Variants in PLCB1 observed in about 807,000 individuals in gnomAD.
PLCB1 encodes 1-phosphatidylinositol 4,5-bisphosphate phosphodiesterase beta-1.
In PLCB1, 46 loss-of-function variants were observed where a neutral mutation model predicts 161.8. The ratio of observed to expected loss-of-function variants is 0.28; its 90% CI spans 0.22 to 0.36. PLCB1 has a LOEUF of 0.36. PLCB1 is among the 10% of genes least tolerant of loss of function. The pLI, the probability that PLCB1 is intolerant of heterozygous loss-of-function variation, is 1.00. For missense variants in PLCB1, 1,016 were observed against 1,472.5 expected (o/e 0.69, Z 5.07); for synonymous variants, 517 against 503.7 (o/e 1.03, Z -0.35).
At chr20:8,574,149 T>C (rs1304318049) in intron 3 of PLCB1, among the ~76,000 whole-genome samples, 4 of 152,234 alleles carry the variant, frequency 2.6e-5, no homozygotes, top group Non-Finnish European at 2.9e-5. Flanking sequence ...ATGCCTGTGA[T>C]CCCAGCACTT....
chr20:8,136,271 G>T (rs373534115), intron 1 of PLCB1, among the ~76,000 whole-genome samples: 1 of 152,150 alleles, frequency 6.6e-6, no homozygotes, highest in South Asian at 2.1e-4. Flanking sequence ...ATAAATGAAT[G>T]CATATGCATT....
Position 8,266,776 on chromosome 20 carries a change from C to T in PLCB1, c.178-104606C>T, listed in dbSNP as rs148092193. Among the ~76,000 whole-genome samples, 1,207 of 152,078 alleles carry T rather than the reference C, an allele frequency of 7.9e-3. 18 individuals are homozygous for T. Among genetic ancestry groups the T allele is most frequent in the African/African-American group, 0.027 (1,131 of 41,504 alleles). ...CATCTGGGCCGGGTGCAGTGGCTCA[C>T]GCCTGTAATCCCAGCATTTTGGGAG... On this transcript the variant is annotated intron_variant, in intron 2 of 31. Coordinates refer to ENST00000338037, the MANE Select transcript of PLCB1 (RefSeq NM_015192.4).
At chr20:8,612,523 G>A (rs1987932532) in intron 3 of PLCB1, among the ~76,000 whole-genome samples, 1 of 152,156 alleles carries the variant, frequency 6.6e-6, no homozygotes, top group Non-Finnish European at 1.5e-5. Context: ...ACTACACTCT[G>A]GTTTACATAT....
At chr20:8,154,874 A>G (rs937109713) in intron 2 of PLCB1, among the ~76,000 whole-genome samples, 1 of 152,170 alleles carries the variant, frequency 6.6e-6, no homozygotes, top group Non-Finnish European at 1.5e-5. Context: ...CTTAACATCT[A>G]ATTTATGGGT....
At chr20:8,514,238 G>A (rs547877907) in intron 3 of PLCB1, among the ~76,000 whole-genome samples, 55 of 151,684 alleles carry the variant, frequency 3.6e-4, no homozygotes, top group African/African-American at 1.3e-3. Flanking sequence ...TCAGGAGTTC[G>A]AGACCAACCT....
At chr20:8,800,632 G>A (rs1429825858) in intron 31 of PLCB1, among the ~76,000 whole-genome samples, 1 of 152,124 alleles carries the variant, frequency 6.6e-6, no homozygotes, top group Non-Finnish European at 1.5e-5. Context: ...TGGTACATAA[G>A]AGAGAATAGA....
intron 3 of PLCB1, among the ~76,000 whole-genome samples, chr20:8,464,795 G>A (rs1284697849): frequency 6.6e-6 from 1 of 152,108 alleles, no homozygotes; most frequent in Non-Finnish European, 1.5e-5. Flanking sequence ...GCTGAATAAA[G>A]CCATGTCTCA....
chr20:8,634,044 T>C (rs1988684990), intron 4 of PLCB1, among the ~76,000 whole-genome samples: 1 of 152,210 alleles, frequency 6.6e-6, no homozygotes, highest in South Asian at 2.1e-4. Flanking sequence ...CGTTTAGGGC[T>C]GCTACAAATA....
chr20:8,513,953 C>T (rs2122859166), intron 3 of PLCB1, among the ~76,000 whole-genome samples: 1 of 151,760 alleles, frequency 6.6e-6, no homozygotes, highest in East Asian at 2.0e-4. Context: ...CTTGCCCCAG[C>T]AGGTTGAGGC....
intron 2 of PLCB1, among the ~76,000 whole-genome samples, chr20:8,181,933 C>A (rs1223100118): frequency 1.3e-5 from 2 of 152,172 alleles, no homozygotes; most frequent in African/African-American, 4.8e-5. Flanking sequence ...TGTGCCACTG[C>A]ACTCCAGCCT....
At chr20:8,590,110 T>G (rs912450032) in intron 3 of PLCB1, among the ~76,000 whole-genome samples, 1 of 152,084 alleles carries the variant, frequency 6.6e-6, no homozygotes, top group African/African-American at 2.4e-5. Flanking sequence ...TTCAATAATA[T>G]AATAAATGTA....
chr20:8,238,869 G>GC (rs1980461561), intron 2 of PLCB1, among the ~76,000 whole-genome samples: 1 of 150,344 alleles, frequency 6.7e-6, no homozygotes, highest in African/African-American at 2.4e-5. Context: ...GGGTGGCTGG[G>GC]GGGAAGACAT....
At chr20:8,651,396 T>A in intron 7 of PLCB1, 1 of 715,830 alleles carries the variant, frequency 1.4e-6, no homozygotes, top group East Asian at 2.7e-5. Flanking sequence ...CTCTTCACTA[T>A]CACCTTTCTT....
chr20:8,337,439 C>T (rs568532793), intron 2 of PLCB1, among the ~76,000 whole-genome samples: 4 of 152,148 alleles, frequency 2.6e-5, no homozygotes, highest in African/African-American at 9.6e-5. Context: ...ATTTTTGTAC[C>T]ATTATGGTAC....
intron 2 of PLCB1, among the ~76,000 whole-genome samples, chr20:8,259,650 G>A (rs6133558): frequency 0.073 from 11,148 of 152,014 alleles, 498 homozygotes; most frequent in East Asian, 0.16. Flanking sequence ...CACTAAAAGC[G>A]ATTATCTGTT....
chr20:8,685,743 A>G (rs1209726295), intron 10 of PLCB1, among the ~76,000 whole-genome samples: 1 of 149,182 alleles, frequency 6.7e-6, no homozygotes, highest in Admixed American at 6.7e-5. Flanking sequence ...GTCTCAAAAG[A>G]AAAAAAAAAG....
At chr20:8,609,972 T>C (rs563895590) in intron 3 of PLCB1, among the ~76,000 whole-genome samples, 91 of 152,324 alleles carry the variant, frequency 6.0e-4, no homozygotes, top group Admixed American at 1.8e-3. Flanking sequence ...AGTATATTCA[T>C]AGATGTAAAA....
chr20:8,392,290 A>C (rs1210161514), intron 3 of PLCB1, among the ~76,000 whole-genome samples: 1 of 152,020 alleles, frequency 6.6e-6, no homozygotes, highest in East Asian at 1.9e-4. Context: ...GCCACCTTGA[A>C]ACAGAGAGCA....
chr20:8,588,982 A>G (rs1370137589), intron 3 of PLCB1, among the ~76,000 whole-genome samples: 1 of 152,112 alleles, frequency 6.6e-6, no homozygotes, highest in Non-Finnish European at 1.5e-5. Flanking sequence ...GGACAAGACA[A>G]CCCACATTGG....
Sources: gnomAD v4.1 joint callset for allele counts (sites outside exome capture counted in the v4.1 genomes callset) on GRCh38, gnomAD v4.1.1 for gene constraint, MANE v1.5 for transcripts, NCBI Gene and HGNC (gene_info 2026-07-23, HGNC 2026-07-21) for gene names.